The following VWC2L variants were observed in gnomAD, a reference collection of about 807,000 sequenced individuals.
VWC2L encodes von Willebrand factor C domain-containing protein 2-like.
VWC2L carries 10 observed loss-of-function variants against 21.6 expected under a neutral mutation model. The observed-to-expected ratio is 0.46, with a 90% confidence interval of 0.29 to 0.78. VWC2L has a LOEUF of 0.78. VWC2L is among the 30% of genes least tolerant of loss of function. The pLI is 0.10. For synonymous variants in VWC2L, 96 were observed against 94.3 expected (o/e 1.02, Z -0.10); for missense variants, 209 against 277.1 (o/e 0.75, Z 1.74).
rs374620465 is a variant in VWC2L, at chr2:214,532,696, C to CA, written c.521-42970dup. On this transcript the variant is annotated intron_variant, in intron 3 of 3. Transcript: ENST00000312504. ...TCTTTTTAAGTCATGTATTTATAAGCAAAAAACCTGATAATGGCAGCTTTT... is the reference window on the plus strand; with the variant it reads ...TCTTTTTAAGTCATGTATTTATAAGCAAAAAAACCTGATAATGGCAGCTTTT... Among the ~76,000 whole-genome samples the CA allele has an allele frequency of 2.3e-4, 35 of 152,120 alleles. 1 individual carries two copies. The highest frequency in any genetic ancestry group is 8.0e-4 in the African/African-American group (33 of 41,504).
At chr2:214,467,625 C>A (rs554909538) in intron 3 of VWC2L, among the ~76,000 whole-genome samples, 4 of 152,072 alleles carry the variant, frequency 2.6e-5, no homozygotes, top group Non-Finnish European at 4.4e-5. Flanking sequence ...ACCTTGGCCC[C>A]AGCTGGAAGA....
intron 3 of VWC2L, among the ~76,000 whole-genome samples, chr2:214,549,767 G>A (rs192048696): frequency 5.5e-4 from 84 of 152,322 alleles, no homozygotes; most frequent in African/African-American, 1.9e-3. Context: ...GCGAGACTCC[G>A]TCTCAAAACA....
chr2:214,413,270 AAAT>A (rs1403571267), intron 1 of VWC2L, among the ~76,000 whole-genome samples: 1 of 152,046 alleles, frequency 6.6e-6, no homozygotes, highest in Non-Finnish European at 1.5e-5. Flanking sequence ...ATTTTAATTT[AAAT>A]AATATTACAT....
At chr2:214,436,854 C>A in intron 3 of VWC2L, 96 bp downstream of exon 3, 1 of 1,429,036 alleles carries the variant, frequency 7.0e-7, no homozygotes, top group Non-Finnish European at 9.6e-7. Flanking sequence ...CCTCTAAGAT[C>A]TGCCTGTGGC....
rs903631012 is a variant in VWC2L at position 214,436,637 on chromosome 2, A to G, written c.399A>G (p.Pro133=). ...TTTAGATTTGTTCCTAGCCCTCTCC[A>G]TGTGAATGGTGTCGCTGTGAGCCCA... ...YKILEEFKPS[P]CEWCRCEPSN... The change falls in exon 3 of 4, where the codon CCA becomes CCG. Residue 133 remains proline, a synonymous_variant. Transcript: ENST00000312504. 1.9e-6 allele frequency: 3 copies of G among 1,613,110 alleles called. No homozygotes were observed. Among genetic ancestry groups the G allele is most frequent in the Non-Finnish European group, 2.5e-6 (3 of 1,179,362 alleles).
intron 3 of VWC2L, among the ~76,000 whole-genome samples, chr2:214,449,262 G>T (rs773578539): frequency 5.3e-5 from 8 of 152,196 alleles, no homozygotes; most frequent in Non-Finnish European, 7.3e-5. Flanking sequence ...TAGGCTAGAA[G>T]TATTGAGCAG....
chr2:214,426,276 G>A (rs1702523737), intron 2 of VWC2L, among the ~76,000 whole-genome samples: 1 of 151,674 alleles, frequency 6.6e-6, no homozygotes, highest in African/African-American at 2.4e-5. Flanking sequence ...AGACAAAATT[G>A]GAACGTTTGC....
chr2:214,540,006 A>G (rs1437935963), intron 3 of VWC2L, among the ~76,000 whole-genome samples: 3 of 152,144 alleles, frequency 2.0e-5, no homozygotes, highest in Admixed American at 1.3e-4. Flanking sequence ...AAAATTGATG[A>G]ACCTACCATA....
intron 3 of VWC2L, among the ~76,000 whole-genome samples, chr2:214,512,260 C>T (rs1347660283): frequency 6.6e-6 from 1 of 152,102 alleles, no homozygotes; most frequent in Non-Finnish European, 1.5e-5. Flanking sequence ...TTCAGGATAC[C>T]TATGCTATCA....
intron 3 of VWC2L, among the ~76,000 whole-genome samples, chr2:214,539,784 C>T (rs1397065769): frequency 6.6e-6 from 1 of 152,068 alleles, no homozygotes; most frequent in East Asian, 1.9e-4. Flanking sequence ...AATTACAGCT[C>T]ACAAGCATCA....
At chr2:214,443,391 C>T (rs950839379) in intron 3 of VWC2L, among the ~76,000 whole-genome samples, 1 of 145,968 alleles carries the variant, frequency 6.9e-6, no homozygotes, top group African/African-American at 2.5e-5. Context: ...AACAAAAAAA[C>T]AAAAAAAAAA....
At chr2:214,467,933 C>G (rs553816662) in intron 3 of VWC2L, among the ~76,000 whole-genome samples, 8 of 152,122 alleles carry the variant, frequency 5.3e-5, no homozygotes, top group African/African-American at 1.7e-4. Context: ...ATCACTTGAG[C>G]CCAGGAGTTA....
At chr2:214,559,963 G>C (rs1242629790) in intron 3 of VWC2L, among the ~76,000 whole-genome samples, 1 of 152,118 alleles carries the variant, frequency 6.6e-6, no homozygotes, top group Non-Finnish European at 1.5e-5. Context: ...TCTTGTTGAA[G>C]TTATATTTCC....
rs548024871 is a variant in VWC2L, at chr2:214,449,153, A to G, written c.520+12395A>G. The stretch of plus-strand genomic sequence containing the variant: ...CTGATGTCCCAGCTATTTCCCTCAA[A>G]TGTTTAGTGGCATTCATTATGAAAA... On this transcript the variant is annotated intron_variant, in intron 3 of 3. Coordinates refer to ENST00000312504, the MANE Select transcript of VWC2L (RefSeq NM_001080500.4). Among the ~76,000 whole-genome samples, 21 of 152,290 alleles carry G rather than the reference A, an allele frequency of 1.4e-4. No individual in the cohort carries two copies. The South Asian group carries it at 4.4e-3, about 32-fold the overall frequency.
At chr2:214,412,158 A>T (rs1175034670) in intron 1 of VWC2L, among the ~76,000 whole-genome samples, 1 of 152,124 alleles carries the variant, frequency 6.6e-6, no homozygotes, top group Non-Finnish European at 1.5e-5. Flanking sequence ...TAGATATTAC[A>T]TTCCTATTTT....
intron 3 of VWC2L, among the ~76,000 whole-genome samples, chr2:214,469,019 T>C (rs1284534071): frequency 6.6e-6 from 1 of 152,174 alleles, no homozygotes; most frequent in African/African-American, 2.4e-5. Context: ...TTAAATATTA[T>C]AAATAAGCAC....
At chr2:214,462,555 G>A (rs890405443) in intron 3 of VWC2L, among the ~76,000 whole-genome samples, 1 of 152,124 alleles carries the variant, frequency 6.6e-6, no homozygotes, top group African/African-American at 2.4e-5. Flanking sequence ...TCTCATTCTT[G>A]ATGTTGATGA....
At chr2:214,435,843 A>T (rs2126178414) in intron 2 of VWC2L, among the ~76,000 whole-genome samples, 1 of 152,326 alleles carries the variant, frequency 6.6e-6, no homozygotes, top group South Asian at 2.1e-4. Context: ...TGCCATAGGC[A>T]GTTTCTAGAA....
chr2:214,422,139 C>T (rs1018191141), intron 2 of VWC2L, among the ~76,000 whole-genome samples: 2 of 151,830 alleles, frequency 1.3e-5, no homozygotes, highest in Non-Finnish European at 2.9e-5. Flanking sequence ...CCGCCCGTCT[C>T]GGCCTCCCAA....
Sources: gnomAD v4.1 joint callset for allele counts (sites outside exome capture counted in the v4.1 genomes callset) on GRCh38, gnomAD v4.1.1 for gene constraint, MANE v1.5 for transcripts, NCBI Gene and HGNC (gene_info 2026-07-23, HGNC 2026-07-21) for gene names.